FAM167A: variants seen among roughly 807,000 people sequenced by gnomAD.
FAM167A encodes family with sequence similarity 167 member A.
In FAM167A, 23 loss-of-function variants were observed where a neutral mutation model predicts 14.9. The ratio of observed to expected loss-of-function variants is 1.55; its 90% CI spans 1.11 to 2.19. The LOEUF (loss-of-function observed/expected upper bound fraction) is 2.19. Among genes scored for constraint, FAM167A ranks in the 30% most tolerant of loss-of-function variants. The probability of loss-of-function intolerance (pLI) is 0.00; values close to 1 mark genes in which losing one functional copy is unlikely to be tolerated. For synonymous variants in FAM167A, 174 were observed against 117.7 expected (o/e 1.48, Z -3.10); for missense variants, 401 against 281.5 (o/e 1.42, Z -3.04).
intron 2 of FAM167A, chr8:11,435,000 C>A (rs982091006): frequency 6.6e-6 from 3 of 456,268 alleles, no homozygotes; most frequent in African/African-American, 2.0e-5. Context: ...CCTCAGCTCC[C>A]AGCATCTGGG....
At chr8:11,438,208 C>G (rs968339815) in intron 2 of FAM167A, 2 of 447,148 alleles carry the variant, frequency 4.5e-6, no homozygotes, top group Admixed American at 2.4e-5. Context: ...AGCTGCTATT[C>G]CGGTGAGGTG....
intron 2 of FAM167A, among the ~76,000 whole-genome samples, chr8:11,426,093 C>T (rs944476926): frequency 1.3e-5 from 2 of 152,226 alleles, no homozygotes; most frequent in Non-Finnish European, 2.9e-5. Flanking sequence ...CCACAACTGT[C>T]CTTTGTCTTA....
intron 2 of FAM167A, among the ~76,000 whole-genome samples, chr8:11,433,622 C>A (rs760616477): frequency 3.3e-5 from 5 of 152,116 alleles, no homozygotes; most frequent in African/African-American, 1.2e-4. Context: ...TCCTGGAGAG[C>A]GTGGTAATCA....
At chr8:11,453,198 G>A (rs1807095498) in intron 1 of FAM167A, among the ~76,000 whole-genome samples, 1 of 152,298 alleles carries the variant, frequency 6.6e-6, no homozygotes, top group East Asian at 1.9e-4. Context: ...TTATTGAGAT[G>A]AGGTCTCACT....
chr8:11,437,732 C>A (rs906841736), intron 2 of FAM167A, among the ~76,000 whole-genome samples: 1 of 152,148 alleles, frequency 6.6e-6, no homozygotes, highest in Admixed American at 6.5e-5. Context: ...TAGTCACTAC[C>A]CCATACCGTC....
chr8:11,448,731 T>C (rs780972287), intron 1 of FAM167A, among the ~76,000 whole-genome samples: 1 of 152,226 alleles, frequency 6.6e-6, no homozygotes, highest in Non-Finnish European at 1.5e-5. Flanking sequence ...TCTGCTCACA[T>C]TGTGAATGCC....
At chr8:11,462,427 G>T (rs1807579019) in intron 1 of FAM167A, among the ~76,000 whole-genome samples, 1 of 152,278 alleles carries the variant, frequency 6.6e-6, no homozygotes, top group African/African-American at 2.4e-5. Flanking sequence ...TGAATTTTTA[G>T]TTACACCTCT....
intron 2 of FAM167A, among the ~76,000 whole-genome samples, chr8:11,439,090 G>A (rs1806254804): frequency 6.6e-6 from 1 of 152,240 alleles, no homozygotes; most frequent in Admixed American, 6.5e-5. Context: ...CCAGAACCAA[G>A]TGATGTGTGT....
Position 11,473,515 on chromosome 8 carries a change from C to T in FAM167A, c.-398+2351G>A, listed in dbSNP as rs575672078. ...TACTGAGGACAAAGCCTCCCTTATA[C>T]GTAACTTCTCTCCTAAAATCAACTC... On this transcript the variant is annotated intron_variant, in intron 1 of 1. Transcript: ENST00000648766. 7.5e-4 allele frequency among the ~76,000 whole-genome samples: 114 copies of T among 152,292 alleles called. 1 individual carries two copies. The highest frequency in any genetic ancestry group is 2.3e-3 in the South Asian group (11 of 4,822).
upstream of FAM167A, among the ~76,000 whole-genome samples, chr8:11,472,071 T>C (rs1807977074): frequency 6.6e-6 from 1 of 152,254 alleles, no homozygotes; most frequent in South Asian, 2.1e-4. Flanking sequence ...GTTTATTAAC[T>C]TGATTTATAA....
At chr8:11,470,225 G>T (rs1179157864), upstream of FAM167A, among the ~76,000 whole-genome samples, 3 of 151,668 alleles carry the variant, frequency 2.0e-5, no homozygotes, top group East Asian at 5.8e-4. Context: ...CACGTTTTCA[G>T]GCAAGGTAGG....
chr8:11,454,169 C>T (rs981191385), intron 1 of FAM167A, among the ~76,000 whole-genome samples: 9 of 152,198 alleles, frequency 5.9e-5, no homozygotes, highest in Non-Finnish European at 7.3e-5. Flanking sequence ...TTCTTGACCC[C>T]GACACCGTCT....
intron 1 of FAM167A, among the ~76,000 whole-genome samples, chr8:11,447,275 G>C (rs1195992452): frequency 6.6e-6 from 1 of 150,878 alleles, no homozygotes; most frequent in South Asian, 2.1e-4. Context: ...TCCACCTCTT[G>C]GGTTCAAGCG....
intron 2 of FAM167A, among the ~76,000 whole-genome samples, chr8:11,425,419 A>G (rs1805067147): frequency 6.6e-6 from 1 of 152,168 alleles, no homozygotes. Context: ...ATGACTGACA[A>G]TGAAGTTCTG....
chr8:11,448,784 C>A (rs1806900042), intron 1 of FAM167A, among the ~76,000 whole-genome samples: 1 of 152,232 alleles, frequency 6.6e-6, no homozygotes, highest in Non-Finnish European at 1.5e-5. Flanking sequence ...ACCCTGTGCT[C>A]TCTGCATGGC....
At chr8:11,426,572 G>A (rs1805174780) in intron 2 of FAM167A, among the ~76,000 whole-genome samples, 1 of 152,292 alleles carries the variant, frequency 6.6e-6, no homozygotes, top group South Asian at 2.1e-4. Context: ...TTTTGCCGAC[G>A]TTAAGGATGC....
At chr8:11,466,023 C>G (rs35592057) in intron 1 of FAM167A, among the ~76,000 whole-genome samples, 23,318 of 152,070 alleles carry the variant, frequency 0.15, 2,156 homozygotes, top group Middle Eastern at 0.29. Context: ...CACCCTCCCC[C>G]CCGCCGTCTG....
In FAM167A at chr8:11,422,133, G is replaced by T; in HGVS notation, c.*2240C>A. 3.7e-6 allele frequency: 1 copy of T among 273,922 alleles called. No homozygotes were observed. The highest frequency in any genetic ancestry group is 6.8e-6 in the Non-Finnish European group (1 of 147,784). 17.0% of individuals were successfully genotyped at this position (273,922 alleles called of 1,614,324 possible). A position where few individuals can be genotyped will look rare whatever the true frequency, so the allele number is the denominator to read the frequency against. On this transcript the variant is annotated 3_prime_UTR_variant, in exon 3 of 3. Transcript: ENST00000284486. Reference sequence around the variant, plus strand: ...TCCACCCAGAGAATGAAGAAAGCAAGCAAGCACTGGGTTACCCAAGCAACT... The same window carrying T: ...TCCACCCAGAGAATGAAGAAAGCAATCAAGCACTGGGTTACCCAAGCAACT...
chr8:11,475,351 C>G (rs529321388), intron 1 of FAM167A, among the ~76,000 whole-genome samples: 1 of 152,152 alleles, frequency 6.6e-6, no homozygotes, highest in African/African-American at 2.4e-5. Context: ...AGAGGAAAAA[C>G]GATCTGTTGG....
Sources: allele counts gnomAD v4.1 joint callset (sites outside exome capture counted in the v4.1 genomes callset), GRCh38; gene constraint gnomAD v4.1.1; transcripts MANE v1.5; gene names NCBI Gene and HGNC (gene_info 2026-07-23, HGNC 2026-07-21).